MAST2: variants seen among roughly 807,000 people sequenced by gnomAD.
The protein encoded by MAST2 is microtubule associated serine/threonine kinase 2, also known as microtubule-associated serine/threonine-protein kinase 2.
Under a neutral mutation model 147.4 loss-of-function variants are expected in MAST2, and 70 were observed. The observed-to-expected ratio is 0.47, with a 90% CI of 0.39 to 0.58. The LOEUF (loss-of-function observed/expected upper bound fraction) is 0.58. Ranked by LOEUF, MAST2 falls within the 20% of genes least tolerant of loss-of-function variation. The probability of loss-of-function intolerance (pLI) is 0.00; values close to 1 mark genes in which losing one functional copy is unlikely to be tolerated. For synonymous variants in MAST2, 869 were observed against 896.8 expected, an observed-to-expected ratio of 0.97 and a Z score of 0.55; for missense variants, 2,080 against 2,302.3, an observed-to-expected ratio of 0.90 and a Z score of 1.98.
intron 4 of MAST2, among the ~76,000 whole-genome samples, chr1:45,912,211 A>G (rs1480550208): frequency 8.5e-5 from 13 of 152,138 alleles, no homozygotes; most frequent in Admixed American, 8.5e-4. Flanking sequence ...GCTTGTGGCT[A>G]CTAGGTGGGT....
intron 2 of MAST2, among the ~76,000 whole-genome samples, chr1:45,825,828 G>A (rs145657056): frequency 0.014 from 2,127 of 151,938 alleles, 35 homozygotes; most frequent in Non-Finnish European, 0.018. Context: ...CGTAATCACA[G>A]CACTTTGGGA....
chr1:45,895,412 G>A (rs1487870723), intron 4 of MAST2, among the ~76,000 whole-genome samples: 1 of 152,080 alleles, frequency 6.6e-6, no homozygotes, highest in Non-Finnish European at 1.5e-5. Flanking sequence ...GAATAACTTA[G>A]CTATAAATAA....
intron 5 of MAST2, among the ~76,000 whole-genome samples, chr1:45,961,030 G>C (rs1660342790): frequency 6.6e-6 from 1 of 152,116 alleles, no homozygotes; most frequent in Non-Finnish European, 1.5e-5. Context: ...TTGTCCTTGG[G>C]AGAAGGATCT....
At chr1:45,955,870 A>T (rs2148889106) in intron 4 of MAST2, among the ~76,000 whole-genome samples, 1 of 152,314 alleles carries the variant, frequency 6.6e-6, no homozygotes, top group South Asian at 2.1e-4. Flanking sequence ...GAAGAGGGAC[A>T]TGATGTTGCT....
intron 4 of MAST2, among the ~76,000 whole-genome samples, chr1:45,903,883 C>T (rs1650214422): frequency 6.6e-6 from 1 of 152,200 alleles, no homozygotes; most frequent in Non-Finnish European, 1.5e-5. Context: ...ATTCCTGAAT[C>T]AGAAACTGTG....
intron 3 of MAST2, among the ~76,000 whole-genome samples, chr1:45,857,002 G>A (rs569780486): frequency 2.0e-5 from 3 of 152,144 alleles, no homozygotes; most frequent in South Asian, 2.1e-4. Context: ...TATCTCAAAC[G>A]TCAAATTTGC....
chr1:45,968,902 CT>C (rs1643766613), intron 5 of MAST2, among the ~76,000 whole-genome samples: 1 of 123,584 alleles, frequency 8.1e-6, no homozygotes, highest in African/African-American at 3.0e-5. Flanking sequence ...GTCCTTTTTT[CT>C]TTGCTTTTTA....
chr1:46,028,159 G>A (rs1430040248), intron 17 of MAST2, among the ~76,000 whole-genome samples: 1 of 152,188 alleles, frequency 6.6e-6, no homozygotes, highest in African/African-American at 2.4e-5. Context: ...TAGCACATTT[G>A]GAAAACAGGA....
chr1:45,884,773 A>C (rs896739717), intron 4 of MAST2, among the ~76,000 whole-genome samples: 1 of 152,214 alleles, frequency 6.6e-6, no homozygotes, highest in Non-Finnish European at 1.5e-5. Context: ...GCAAGGAAAC[A>C]TGGGTACTAA....
chr1:45,950,972 C>G (rs1658844053), intron 4 of MAST2, among the ~76,000 whole-genome samples: 1 of 151,912 alleles, frequency 6.6e-6, no homozygotes, highest in Non-Finnish European at 1.5e-5. Context: ...AATCCCAGCA[C>G]TTTAGGAGGC....
chr1:45,833,527 C>T (rs1645019462), intron 3 of MAST2, among the ~76,000 whole-genome samples: 1 of 152,072 alleles, frequency 6.6e-6, no homozygotes, highest in Non-Finnish European at 1.5e-5. Context: ...TGTTTTCATT[C>T]CTCGTGGATA....
Position 45,824,436 on chromosome 1 carries a change from G to A in MAST2, c.181G>A (p.Val61Ile). Reference sequence around the variant, plus strand: ...TTTACTCTTTTTCTCTTTGAAGGATGTAGTAACTGGAGTTAGTCCCCTGCT... The same window carrying A: ...TTTACTCTTTTTCTCTTTGAAGGATATAGTAACTGGAGTTAGTCCCCTGCT... The part of the protein sequence containing the change: ...PAGPEGKEQD[V>I]VTGVSPLLFR... Residue 61 changes from valine to isoleucine, a missense_variant, in exon 2 of 29, where the codon GTA becomes ATA. By Grantham distance (29) the Val-to-Ile change is conservative (BLOSUM62 3). Transcript: ENST00000361297. The A allele has an allele frequency of 6.3e-7, 1 of 1,598,242 alleles. No individual in the cohort carries two copies. The highest frequency in any genetic ancestry group is 1.7e-4 in the Middle Eastern group (1 of 5,984).
intron 5 of MAST2, among the ~76,000 whole-genome samples, chr1:45,967,095 A>AG (rs1557978179): frequency 1.3e-5 from 2 of 151,014 alleles, no homozygotes; most frequent in African/African-American, 4.9e-5. Flanking sequence ...TTTTTTTGAG[A>AG]GAGAGTCTCA....
intron 4 of MAST2, among the ~76,000 whole-genome samples, chr1:45,943,158 C>G (rs896316971): frequency 2.6e-5 from 4 of 152,112 alleles, no homozygotes; most frequent in African/African-American, 7.2e-5. Flanking sequence ...AATGGTATGG[C>G]CTTGTTTACT....
chr1:45,959,520 C>G (rs745372346), intron 5 of MAST2, 43 bp downstream of exon 5: 1 of 1,492,108 alleles, frequency 6.7e-7, no homozygotes, highest in Non-Finnish European at 9.3e-7. Flanking sequence ...AAAGAGTGGC[C>G]ACAGATGCCC....
chr1:45,931,075 CA>C (rs1655211655), intron 4 of MAST2, among the ~76,000 whole-genome samples: 1 of 152,114 alleles, frequency 6.6e-6, no homozygotes, highest in African/African-American at 2.4e-5. Context: ...TAAATATTAC[CA>C]TCTAATCTAC....
chr1:45,966,519 T>A (rs1414668841), intron 5 of MAST2, among the ~76,000 whole-genome samples: 6 of 151,592 alleles, frequency 4.0e-5, no homozygotes, highest in Non-Finnish European at 8.8e-5. Flanking sequence ...TCACTTAAAG[T>A]CAGGAGTTCA....
intron 6 of MAST2, chr1:46,000,841 C>A: frequency 1.6e-6 from 1 of 628,038 alleles, no homozygotes; most frequent in Non-Finnish European, 2.5e-6. Flanking sequence ...TCACTTCAAA[C>A]TATCACACAT....
chr1:46,025,675 A>AG lies in MAST2; in HGVS notation c.1784dup. On this transcript the variant is annotated splice_acceptor_variant, in intron 15 of 28. Transcript: ENST00000361297. LOFTEE classifies it high-confidence loss of function. ...CCTCATGGTAGCCTGGGCTTGTTGCAGGGGGAGACTGTGCCACTCTGCTGA... is the reference window on the plus strand; with the variant it reads ...CCTCATGGTAGCCTGGGCTTGTTGCAGGGGGGAGACTGTGCCACTCTGCTGA... The AG allele has an allele frequency of 3.7e-6, 6 of 1,614,006 alleles. No individual in the cohort carries two copies. The highest frequency in any genetic ancestry group is 5.1e-6 in the Non-Finnish European group (6 of 1,180,018).
Sources: gnomAD v4.1 joint callset for allele counts (sites outside exome capture counted in the v4.1 genomes callset) on GRCh38, gnomAD v4.1.1 for gene constraint, MANE v1.5 for transcripts, NCBI Gene and HGNC (gene_info 2026-07-23, HGNC 2026-07-21) for gene names.